TENM2: variants seen among roughly 807,000 people sequenced by gnomAD.
TENM2 encodes the protein teneurin-2.
Under a neutral mutation model 245.2 loss-of-function variants are expected in TENM2, and 52 were observed. The observed-to-expected ratio is 0.21, with a 90% CI of 0.17 to 0.27. The LOEUF (loss-of-function observed/expected upper bound fraction) is 0.27. Among genes scored for constraint, TENM2 ranks in the 10% least tolerant of loss-of-function variants. The pLI, the probability that TENM2 is intolerant of heterozygous loss-of-function variation, is 1.00. For missense variants in TENM2, 3,046 were observed against 3,666.8 expected, an observed-to-expected ratio of 0.83 and a Z score of 4.37; for synonymous variants, 1,363 against 1,438.9, an observed-to-expected ratio of 0.95 and a Z score of 1.19.
chr5:167,398,349 C>CTTT, intron 2 of TENM2, among the ~76,000 whole-genome samples: 1 of 151,134 alleles, frequency 6.6e-6, no homozygotes, highest in Admixed American at 6.6e-5. Context: ...TTCTTTCTTT[C>CTTT]CTTCTTTCTT....
At chr5:167,876,086 A>T in exon 3 of TENM2, 3 of 1,551,374 alleles carry the variant, frequency 1.9e-6, no homozygotes, top group Non-Finnish European at 2.6e-6. Flanking sequence ...TGCCATTGCT[A>T]GACAGCAACA....
the TENM2 span, among the ~76,000 whole-genome samples, chr5:167,231,685 CA>C: frequency 3.3e-5 from 5 of 152,166 alleles, no homozygotes; most frequent in Admixed American, 3.3e-4. Context: ...AAAAGTTCAA[CA>C]AATTGCAGCC....
chr5:168,198,063 A>G (rs1761607883), intron 15 of TENM2, among the ~76,000 whole-genome samples: 1 of 152,198 alleles, frequency 6.6e-6, no homozygotes, highest in African/African-American at 2.4e-5. Flanking sequence ...AAAGGGCCAG[A>G]GAGTAAACAG....
At position 167,376,251 on chromosome 5, in the gene TENM2, T is replaced by G. The variant is rs185723082; in HGVS notation, c.502+778T>G. 1.0e-3 allele frequency among the ~76,000 whole-genome samples: 153 copies of G among 152,330 alleles called. 1 individual carries two copies. Among genetic ancestry groups the G allele is most frequent in the African/African-American group, 3.5e-3 (146 of 41,576 alleles). ...CCGAAGTGTGTTTAGTCAAAAACAT[T>G]TTTTTAAAAAGATAAATTGCATTAG... On this transcript the variant is annotated intron_variant, in intron 2 of 28. Coordinates refer to ENST00000518659, the Ensembl canonical transcript of TENM2.
intron 3 of TENM2, among the ~76,000 whole-genome samples, chr5:167,886,671 T>C (rs1489693091): frequency 1.3e-5 from 2 of 152,222 alleles, no homozygotes; most frequent in African/African-American, 2.4e-5. Flanking sequence ...AGATTGCTAT[T>C]TTTGAACTGA....
At chr5:167,832,092 A>G (rs1768552797) in intron 2 of TENM2, among the ~76,000 whole-genome samples, 1 of 152,240 alleles carries the variant, frequency 6.6e-6, no homozygotes, top group South Asian at 2.1e-4. Flanking sequence ...TGAAACGACC[A>G]AATCCAATAA....
At chr5:167,709,361 G>A (rs1462808615) in intron 2 of TENM2, among the ~76,000 whole-genome samples, 2 of 151,962 alleles carry the variant, frequency 1.3e-5, no homozygotes, top group Admixed American at 6.6e-5. Context: ...TATCTTATTT[G>A]AATTTCATTT....
chr5:167,489,072 C>G (rs1768268067), intron 2 of TENM2, among the ~76,000 whole-genome samples: 1 of 152,208 alleles, frequency 6.6e-6, no homozygotes, highest in African/African-American at 2.4e-5. Flanking sequence ...CACCATCACT[C>G]CCCCTGGGTC....
chr5:166,996,721 C>A, the TENM2 span, among the ~76,000 whole-genome samples: 2 of 152,168 alleles, frequency 1.3e-5, no homozygotes, highest in African/African-American at 4.8e-5. Flanking sequence ...CTATGTGAAC[C>A]AAGGAAAGAT....
At chr5:168,018,103 T>A (rs1785821037) in intron 5 of TENM2, among the ~76,000 whole-genome samples, 1 of 152,212 alleles carries the variant, frequency 6.6e-6, no homozygotes, top group South Asian at 2.1e-4. Context: ...ATCTCGGAGT[T>A]GGTTGTGGGG....
intron 2 of TENM2, among the ~76,000 whole-genome samples, chr5:167,694,639 T>C (rs908951958): frequency 1.3e-5 from 2 of 152,208 alleles, no homozygotes; most frequent in Non-Finnish European, 2.9e-5. Flanking sequence ...AAAAGTCTGG[T>C]TGGTGCATTC....
chr5:167,174,309 T>C, the TENM2 span, among the ~76,000 whole-genome samples: 1 of 152,180 alleles, frequency 6.6e-6, no homozygotes, highest in Admixed American at 6.5e-5. Context: ...TATGCACTTA[T>C]GTAGGCATGA....
chr5:167,879,503 T>C (rs892513731), intron 3 of TENM2, among the ~76,000 whole-genome samples: 1 of 152,084 alleles, frequency 6.6e-6, no homozygotes, highest in African/African-American at 2.4e-5. Flanking sequence ...AAAAAAAATC[T>C]AGATCCCAGC....
chr5:167,607,813 C>A (rs886664023), intron 2 of TENM2, among the ~76,000 whole-genome samples: 3 of 152,102 alleles, frequency 2.0e-5, no homozygotes, highest in African/African-American at 7.2e-5. Flanking sequence ...CTAGTCTAGG[C>A]GATATGCCCA....
At chr5:166,990,189 C>A in the TENM2 span, among the ~76,000 whole-genome samples, 1 of 152,162 alleles carries the variant, frequency 6.6e-6, no homozygotes, top group Non-Finnish European at 1.5e-5. Context: ...TCAAACAGGT[C>A]TTCCTCACTA....
chr5:167,937,017 G>A (rs901481695), intron 3 of TENM2, among the ~76,000 whole-genome samples: 1 of 152,114 alleles, frequency 6.6e-6, no homozygotes, highest in African/African-American at 2.4e-5. Context: ...AATAACATTT[G>A]TATATATTTA....
intron 2 of TENM2, among the ~76,000 whole-genome samples, chr5:167,620,431 G>A (rs1751550709): frequency 6.6e-6 from 1 of 151,858 alleles, no homozygotes. Context: ...ACTGTTCTTG[G>A]CTCCTTTTTA....
chr5:167,614,326 G>A (rs1722277387), intron 2 of TENM2, among the ~76,000 whole-genome samples: 2 of 151,992 alleles, frequency 1.3e-5, no homozygotes, highest in African/African-American at 2.4e-5. Context: ...GTCACCCTAA[G>A]TCTCATCCCT....
the TENM2 span, among the ~76,000 whole-genome samples, chr5:167,173,656 A>G: frequency 6.6e-6 from 1 of 151,808 alleles, no homozygotes; most frequent in Non-Finnish European, 1.5e-5. Context: ...ATTTTAATAC[A>G]GTTTCGAGTT....
Sources: gnomAD v4.1 joint callset for allele counts (sites outside exome capture counted in the v4.1 genomes callset) on GRCh38, gnomAD v4.1.1 for gene constraint, MANE v1.5 for transcripts, NCBI Gene and HGNC (gene_info 2026-07-23, HGNC 2026-07-21) for gene names.